Variants in SIK3 observed in about 807,000 individuals in gnomAD.
The protein encoded by SIK3 is SIK family kinase 3.
Under a neutral mutation model 144.2 loss-of-function variants are expected in SIK3, and 28 were observed. The observed-to-expected ratio is 0.19, with a 90% confidence interval of 0.14 to 0.27. The LOEUF (loss-of-function observed/expected upper bound fraction) is 0.27. Among genes scored for constraint, SIK3 ranks in the 10% least tolerant of loss-of-function variants. The pLI is 1.00. For missense variants in SIK3, 1,319 were observed against 1,776.0 expected (o/e 0.74, Z 4.62); for synonymous variants, 686 against 676.3 (o/e 1.01, Z -0.22).
intron 4 of SIK3, among the ~76,000 whole-genome samples, chr11:116,909,789 A>G (rs1484534584): frequency 1.3e-5 from 2 of 152,190 alleles, no homozygotes; most frequent in Non-Finnish European, 2.9e-5. Flanking sequence ...AGAGGGTGGG[A>G]GAAAGGGAAG....
chr11:116,956,276 A>G (rs1468548707), intron 2 of SIK3, among the ~76,000 whole-genome samples: 1 of 151,712 alleles, frequency 6.6e-6, no homozygotes, highest in East Asian at 1.9e-4. Flanking sequence ...CTGCTTTTGT[A>G]GTTATGCTAG....
At chr11:117,007,165 G>A (rs537099386) in intron 1 of SIK3, among the ~76,000 whole-genome samples, 48 of 152,340 alleles carry the variant, frequency 3.2e-4, no homozygotes, top group African/African-American at 8.2e-4. Context: ...ATCACCTGAC[G>A]TCAGGAGATT....
intron 6 of SIK3, among the ~76,000 whole-genome samples, chr11:116,885,058 T>C (rs2134649228): frequency 6.6e-6 from 1 of 152,352 alleles, no homozygotes; most frequent in Non-Finnish European, 1.5e-5. Context: ...AATTATCCAT[T>C]TAACTATAAA....
intron 1 of SIK3, among the ~76,000 whole-genome samples, chr11:117,013,107 A>G (rs1304004258): frequency 6.6e-6 from 1 of 152,078 alleles, no homozygotes; most frequent in African/African-American, 2.4e-5. Flanking sequence ...CTTTTTAATC[A>G]CCAAAGATAG....
intron 1 of SIK3, chr11:117,036,137 C>T (rs949444006): frequency 3.9e-6 from 2 of 509,832 alleles, no homozygotes; most frequent in African/African-American, 4.0e-5. Flanking sequence ...CTAGGCTTGT[C>T]TTGCAACTCC....
At chr11:116,968,748 A>G (rs540619619) in intron 1 of SIK3, among the ~76,000 whole-genome samples, 134 of 152,344 alleles carry the variant, frequency 8.8e-4, no homozygotes, top group African/African-American at 3.1e-3. Context: ...GGTAGAACCA[A>G]GGATTTTATG....
chr11:117,090,016 T>C (rs1955174221), intron 1 of SIK3, among the ~76,000 whole-genome samples: 1 of 152,206 alleles, frequency 6.6e-6, no homozygotes, highest in African/African-American at 2.4e-5. Context: ...CATCCAACAG[T>C]TCCGTACTCG....
intron 1 of SIK3, among the ~76,000 whole-genome samples, chr11:117,049,961 T>C (rs1404873202): frequency 6.7e-6 from 1 of 149,220 alleles, no homozygotes; most frequent in East Asian, 2.0e-4. Context: ...ACCTGTCTCT[T>C]AAAAAAAAAA....
rs141205835 is a variant in SIK3, at chr11:116,867,933, T to C, written c.1952+13A>G. 9.9e-3 allele frequency: 15,067 copies of C among 1,527,018 alleles called. 138 individuals carry two copies. Among genetic ancestry groups the C allele is most frequent in the South Asian group, 0.028 (2,283 of 80,438 alleles). 94.6% of individuals were successfully genotyped at this position (1,527,018 alleles called of 1,614,324 possible). ...AGCCTCAAGGAGCTCGCACAGCTCA[T>C]GTGGCTACTCACCGATGCTGATCAG... On this transcript the variant is annotated intron_variant, in intron 15 of 24. Transcript: ENST00000445177. The surrounding 1 kb of genome is among the most constrained non-coding windows in gnomAD (Gnocchi z 4.1).
intron 4 of SIK3, among the ~76,000 whole-genome samples, chr11:116,923,213 G>A (rs1947097937): frequency 6.6e-6 from 1 of 152,098 alleles, no homozygotes; most frequent in South Asian, 2.1e-4. Context: ...ACTGCGCCCA[G>A]CCAAGACTAA....
At chr11:117,039,101 G>C (rs986617382) in intron 1 of SIK3, among the ~76,000 whole-genome samples, 4 of 151,962 alleles carry the variant, frequency 2.6e-5, no homozygotes, top group Admixed American at 2.0e-4. Flanking sequence ...CTTTAGATCA[G>C]AATCACCTCG....
chr11:116,874,168 C>T, intron 11 of SIK3, 112 bp from the exon 12 acceptor site: 1 of 1,119,028 alleles, frequency 8.9e-7, no homozygotes, highest in Admixed American at 2.6e-5. Context: ...TTATTTTCTT[C>T]CTGAATTTAT....
At chr11:116,911,135 TAAAACAAAAC>T (rs550453606) in intron 4 of SIK3, among the ~76,000 whole-genome samples, 8 of 151,960 alleles carry the variant, frequency 5.3e-5, no homozygotes, top group Non-Finnish European at 8.8e-5. Context: ...CCCTGTCTTT[TAAAACAAAAC>T]AAAACAAAAC....
At chr11:117,080,688 C>T (rs1364036239) in intron 1 of SIK3, among the ~76,000 whole-genome samples, 1 of 152,174 alleles carries the variant, frequency 6.6e-6, no homozygotes, top group Non-Finnish European at 1.5e-5. Flanking sequence ...TGACTCACAC[C>T]TGTAATCCCA....
chr11:117,053,356 A>T (rs1298360893), intron 1 of SIK3, among the ~76,000 whole-genome samples: 2 of 151,870 alleles, frequency 1.3e-5, no homozygotes, highest in African/African-American at 4.8e-5. Context: ...AAAAAAAAGT[A>T]AAGTGGCAAA....
chr11:116,856,211 A>AG (rs1248827113), intron 21 of SIK3, among the ~76,000 whole-genome samples: 1 of 151,572 alleles, frequency 6.6e-6, no homozygotes, highest in Non-Finnish European at 1.5e-5. Context: ...AAAAAAAAAA[A>AG]AAGAAACGTG....
At chr11:116,954,245 G>A in intron 2 of SIK3, 138 bp from the exon 3 acceptor site, 26 of 642,182 alleles carry the variant, frequency 4.0e-5, no homozygotes, top group East Asian at 8.6e-5. Flanking sequence ...ACATTTTTGG[G>A]GAAACAAATA....
rs1351547922 is a variant in SIK3 at position 116,843,615 on chromosome 11, C to T, written c.*2028G>A. ...CAAGATGGCACGGTTAGTAGGCTCA[C>T]TGGCTTTCATCTGTTGTTGCTGGAG... On this transcript the variant is annotated 3_prime_UTR_variant, in exon 25 of 25. Transcript: ENST00000445177. 6.6e-6 allele frequency: 1 copy of T among 152,272 alleles called. No homozygotes were observed. The highest frequency in any genetic ancestry group is 2.4e-5 in the African/African-American group (1 of 41,450). 9.4% of individuals were successfully genotyped at this position (152,272 alleles called of 1,614,324 possible). A position where few individuals can be genotyped will look rare whatever the true frequency, so the allele number is the denominator to read the frequency against.
chr11:116,892,197 T>C (rs989705851), intron 6 of SIK3, among the ~76,000 whole-genome samples: 1 of 152,128 alleles, frequency 6.6e-6, no homozygotes, highest in Non-Finnish European at 1.5e-5. Context: ...GTAAATAACA[T>C]GGCTCCAGAA....
Sources: allele counts gnomAD v4.1 joint callset (sites outside exome capture counted in the v4.1 genomes callset), GRCh38; gene constraint gnomAD v4.1.1; non-coding constraint Gnocchi (gnomAD v3.1); transcripts MANE v1.5; gene names NCBI Gene and HGNC (gene_info 2026-07-23, HGNC 2026-07-21).